Variants in GRIP1 observed in about 807,000 individuals in gnomAD.
GRIP1 encodes the protein glutamate receptor-interacting protein 1.
Under a neutral mutation model 129.9 loss-of-function variants are expected in GRIP1, and 45 were observed. That is an observed-to-expected ratio of 0.35 (90% confidence interval 0.27 to 0.44). The LOEUF is 0.44. Ranked by LOEUF, GRIP1 falls within the 20% of genes least tolerant of loss-of-function variation. GRIP1 has a pLI of 1.00. For synonymous variants in GRIP1, 530 were observed against 520.8 expected (o/e 1.02, Z -0.24); for missense variants, 1,196 against 1,396.8 (o/e 0.86, Z 2.29).
At chr12:67,027,643 A>G (rs2042959459) in intron 1 of GRIP1, among the ~76,000 whole-genome samples, 1 of 152,198 alleles carries the variant, frequency 6.6e-6, no homozygotes, top group Non-Finnish European at 1.5e-5. Flanking sequence ...ATGATCCCTA[A>G]GGAAATAAGG....
intron 1 of GRIP1, among the ~76,000 whole-genome samples, chr12:66,739,525 T>C (rs977672015): frequency 2.0e-5 from 3 of 152,120 alleles, no homozygotes; most frequent in Admixed American, 1.3e-4. Flanking sequence ...AAACTGATTA[T>C]TGAGATTCTG....
chr12:67,002,854 A>G (rs1447996144), intron 1 of GRIP1, among the ~76,000 whole-genome samples: 1 of 152,176 alleles, frequency 6.6e-6, no homozygotes, highest in Non-Finnish European at 1.5e-5. Flanking sequence ...ATCAGGATGA[A>G]ATCAGAATCA....
At chr12:67,067,603 C>T (rs2043651728) in intron 1 of GRIP1, among the ~76,000 whole-genome samples, 1 of 152,086 alleles carries the variant, frequency 6.6e-6, no homozygotes, top group African/African-American at 2.4e-5. Context: ...AATGAATGCA[C>T]ATATCTAATA....
At chr12:66,678,782 A>G in intron 1 of GRIP1, 68 bp downstream of exon 1, 2 of 1,435,222 alleles carry the variant, frequency 1.4e-6, no homozygotes, top group South Asian at 1.2e-5. Context: ...GAAAGTAAAA[A>G]CCATTAAACT....
intron 7 of GRIP1, among the ~76,000 whole-genome samples, chr12:66,478,579 G>A (rs542763048): frequency 5.6e-4 from 85 of 152,194 alleles, no homozygotes; most frequent in Non-Finnish European, 2.9e-4. Context: ...ACATGCACAC[G>A]TATGTTTATT....
At position 66,434,946 on chromosome 12, in the gene GRIP1, G is replaced by A. The variant is rs551849307; in HGVS notation, c.1688-2318C>T. Among the ~76,000 whole-genome samples the A allele has an allele frequency of 2.0e-4, 30 of 152,318 alleles. No homozygotes were observed. The South Asian group carries it at 5.6e-3, about 28-fold the overall frequency. On this transcript the variant is annotated intron_variant, in intron 13 of 24. Coordinates refer to ENST00000359742, the MANE Select transcript of GRIP1 (RefSeq NM_001366722.1). The stretch of plus-strand genomic sequence containing the variant: ...TTCCTGGCTGTGAAACACAGATTGC[G>A]CTTCCAGTGAATGCCTCTTCTCTGA...
intron 23 of GRIP1, among the ~76,000 whole-genome samples, chr12:66,357,412 C>T (rs2054545938): frequency 6.6e-6 from 1 of 152,136 alleles, no homozygotes; most frequent in Admixed American, 6.5e-5. Flanking sequence ...TCGAGGTTAG[C>T]TTTGAGGTGG....
At chr12:66,707,707 T>C (rs1195362356) in intron 1 of GRIP1, among the ~76,000 whole-genome samples, 1 of 151,904 alleles carries the variant, frequency 6.6e-6, no homozygotes, top group African/African-American at 2.4e-5. Flanking sequence ...AGTTGGATGT[T>C]GGTGAAAGTC....
At chr12:66,509,827 G>T (rs147261943) in intron 7 of GRIP1, among the ~76,000 whole-genome samples, 430 of 152,182 alleles carry the variant, frequency 2.8e-3, no homozygotes, top group African/African-American at 9.9e-3. Flanking sequence ...GCATCAGGAA[G>T]AATAGCTACT....
intron 15 of GRIP1, among the ~76,000 whole-genome samples, chr12:66,410,558 G>A (rs1179019550): frequency 1.3e-5 from 2 of 151,706 alleles, no homozygotes; most frequent in East Asian, 1.9e-4. Context: ...CAGGAGAATC[G>A]CTTGAACCCA....
At chr12:66,649,338 A>G (rs2032616218) in intron 1 of GRIP1, among the ~76,000 whole-genome samples, 1 of 152,194 alleles carries the variant, frequency 6.6e-6, no homozygotes, top group Non-Finnish European at 1.5e-5. Context: ...TCAGCTCTGT[A>G]TTTGTTATCA....
Position 66,651,663 on chromosome 12 carries a change from C to T in GRIP1, c.55+27187G>A, listed in dbSNP as rs143744750. Reference sequence around the variant, plus strand: ...TATCTGTAGGCCTATAACTGTTTACCGGCACACTGGCAACATGTTAAGTAG... The same window carrying T: ...TATCTGTAGGCCTATAACTGTTTACTGGCACACTGGCAACATGTTAAGTAG... On this transcript the variant is annotated intron_variant, in intron 1 of 24. Coordinates refer to ENST00000359742, the MANE Select transcript of GRIP1 (RefSeq NM_001366722.1). 1.1e-3 allele frequency among the ~76,000 whole-genome samples: 166 copies of T among 152,112 alleles called. 2 individuals are homozygous for T. The highest frequency in any genetic ancestry group is 3.8e-3 in the African/African-American group (158 of 41,494).
intron 3 of GRIP1, among the ~76,000 whole-genome samples, chr12:66,539,636 T>G (rs1376631293): frequency 6.9e-6 from 1 of 145,826 alleles, no homozygotes; most frequent in East Asian, 2.0e-4. Context: ...AACACATGTC[T>G]TTTTATTCTC....
intron 2 of GRIP1, among the ~76,000 whole-genome samples, chr12:66,549,717 A>G (rs1237825813): frequency 6.6e-6 from 1 of 152,146 alleles, no homozygotes; most frequent in East Asian, 1.9e-4. Context: ...GGGATATACT[A>G]GAATTTTTCT....
At chr12:66,579,926 G>A (rs865969129) in intron 2 of GRIP1, among the ~76,000 whole-genome samples, 50 of 148,364 alleles carry the variant, frequency 3.4e-4, no homozygotes, top group African/African-American at 1.1e-3. Flanking sequence ...GATACTCCTC[G>A]AGAAGAGCAA....
At chr12:66,738,316 T>A (rs1388803651) in intron 1 of GRIP1, among the ~76,000 whole-genome samples, 1 of 151,438 alleles carries the variant, frequency 6.6e-6, no homozygotes, top group East Asian at 1.9e-4. Context: ...GCCTCTCGGG[T>A]TCACACCATT....
intron 1 of GRIP1, among the ~76,000 whole-genome samples, chr12:67,040,630 G>A (rs1254126671): frequency 6.6e-6 from 1 of 152,182 alleles, no homozygotes; most frequent in Admixed American, 6.5e-5. Flanking sequence ...GTGACCTTGA[G>A]TGGGTAACAA....
intron 1 of GRIP1, among the ~76,000 whole-genome samples, chr12:66,653,978 A>T (rs965975331): frequency 4.6e-5 from 7 of 152,306 alleles, no homozygotes; most frequent in African/African-American, 1.7e-4. Flanking sequence ...AAGTCAATGA[A>T]TTCAGGATCA....
At chr12:66,880,295 G>T (rs950016253) in intron 1 of GRIP1, among the ~76,000 whole-genome samples, 1 of 152,124 alleles carries the variant, frequency 6.6e-6, no homozygotes, top group Non-Finnish European at 1.5e-5. Flanking sequence ...AAGGGAGTTG[G>T]GGGGATGGGT....
Sources: gnomAD v4.1 joint callset for allele counts (sites outside exome capture counted in the v4.1 genomes callset) on GRCh38, gnomAD v4.1.1 for gene constraint, MANE v1.5 for transcripts, NCBI Gene and HGNC (gene_info 2026-07-23, HGNC 2026-07-21) for gene names.